Variants in EEA1 observed in about 807,000 individuals in gnomAD.
EEA1 encodes early endosome antigen 1.
In EEA1, 111 loss-of-function variants were observed where a neutral mutation model predicts 209.2. The ratio of observed to expected loss-of-function variants is 0.53; its 90% CI spans 0.45 to 0.62. The LOEUF (loss-of-function observed/expected upper bound fraction) is 0.62. Among genes scored for constraint, EEA1 ranks in the 20% least tolerant of loss-of-function variants. The probability of loss-of-function intolerance (pLI) is 0.00; values close to 1 mark genes in which losing one functional copy is unlikely to be tolerated. For missense variants in EEA1, 1,343 were observed against 1,530.8 expected (o/e 0.88, Z 2.05); for synonymous variants, 536 against 540.6 (o/e 0.99, Z 0.12).
Position 92,864,856 on chromosome 12 carries a change from G to A in EEA1, c.245+4C>T, listed in dbSNP as rs7962662. The stretch of plus-strand genomic sequence containing the variant: ...CATTATACTTCAAAATTATCATACC[G>A]TACCGCTTCAAAGCAAGATTAGACT... On this transcript the variant is annotated splice_donor_region_variant and intron_variant, in intron 3 of 28. Coordinates refer to ENST00000322349, the MANE Select transcript of EEA1 (RefSeq NM_003566.4). 4,413 of 1,590,858 alleles carry A rather than the reference G, an allele frequency of 2.8e-3. 118 individuals are homozygous for A. The African/African-American group carries it at 0.053, about 19-fold the overall frequency.
rs115992167 is a variant in EEA1 at position 92,888,645 on chromosome 12, A to G, written c.117+2984T>C. On this transcript the variant is annotated intron_variant, in intron 2 of 28. Coordinates refer to ENST00000322349, the MANE Select transcript of EEA1 (RefSeq NM_003566.4). ...TTGTAAGTGGAAGGCTGAAGATGCA[A>G]TAAGGAATGGTAAACAACTACACTG... 3.6e-3 allele frequency among the ~76,000 whole-genome samples: 549 copies of G among 152,232 alleles called. 2 individuals are homozygous for G. The highest frequency in any genetic ancestry group is 0.013 in the African/African-American group (527 of 41,556).
At chr12:92,856,023 C>T (rs1027329611) in intron 5 of EEA1, among the ~76,000 whole-genome samples, 1 of 152,116 alleles carries the variant, frequency 6.6e-6, no homozygotes, top group Admixed American at 6.5e-5. Context: ...GACTGATTAT[C>T]TTGTCATTTA....
Position 92,929,209 on chromosome 12 carries a change from T to C in EEA1, c.-143A>G. 4 of 714,530 alleles carry C rather than the reference T, an allele frequency of 5.6e-6. No individual in the cohort carries two copies. The highest frequency in any genetic ancestry group is 8.4e-6 in the Non-Finnish European group (4 of 474,690). The allele number at this position is 714,530 out of a possible 1,614,324, so 44.3% of individuals were successfully genotyped here. ...GGGGCGAGGCGGTGGCGACGGCCGC[T>C]CGGGCGGCCCCGACTTCCCCACAGG... On this transcript the variant is annotated 5_prime_UTR_variant, in exon 1 of 29. Transcript: ENST00000322349.
intron 2 of EEA1, among the ~76,000 whole-genome samples, chr12:92,876,763 C>T (rs752645139): frequency 4.7e-5 from 7 of 147,746 alleles, no homozygotes; most frequent in South Asian, 2.1e-4. Flanking sequence ...TCGATATGCC[C>T]GGATCAGAGT....
chr12:92,824,456 T>C (rs2136685432), intron 13 of EEA1, among the ~76,000 whole-genome samples: 1 of 152,294 alleles, frequency 6.6e-6, no homozygotes, highest in Admixed American at 6.5e-5. Context: ...CAAAGTAAAA[T>C]AAAGTCCTTA....
intron 23 of EEA1, 106 bp from the exon 24 acceptor site, chr12:92,780,517 T>G: frequency 1.2e-6 from 1 of 816,388 alleles, no homozygotes; most frequent in Non-Finnish European, 1.8e-6. Flanking sequence ...CTCTGCCCTT[T>G]TCTACCTAAC....
chr12:92,784,598 T>C (rs189138618), intron 22 of EEA1, among the ~76,000 whole-genome samples: 27 of 152,298 alleles, frequency 1.8e-4, no homozygotes, highest in Admixed American at 7.8e-4. Flanking sequence ...CAGTGACTGA[T>C]TTTTTAAAGT....
chr12:92,904,401 A>AT (rs945596900), intron 1 of EEA1, among the ~76,000 whole-genome samples: 2 of 152,202 alleles, frequency 1.3e-5, no homozygotes, highest in Admixed American at 6.5e-5. Context: ...CAACAAAACT[A>AT]TTTCTCTATT....
intron 2 of EEA1, among the ~76,000 whole-genome samples, chr12:92,876,104 C>A (rs1878867403): frequency 6.6e-6 from 1 of 152,070 alleles, no homozygotes; most frequent in African/African-American, 2.4e-5. Context: ...CAGGGTCTCA[C>A]TCTATCATCC....
At chr12:92,877,030 G>A (rs184872134) in intron 2 of EEA1, among the ~76,000 whole-genome samples, 316 of 149,912 alleles carry the variant, frequency 2.1e-3, no homozygotes, top group African/African-American at 7.2e-3. Context: ...TGCAACCTCT[G>A]CCTCCCAGGC....
chr12:92,825,415 C>T (rs1876248119), intron 13 of EEA1, among the ~76,000 whole-genome samples: 1 of 151,204 alleles, frequency 6.6e-6, no homozygotes, highest in East Asian at 1.9e-4. Flanking sequence ...GATAGCGCCA[C>T]TGCACTCCAG....
intron 2 of EEA1, among the ~76,000 whole-genome samples, chr12:92,886,456 C>A (rs1156973609): frequency 2.0e-5 from 1 of 49,188 alleles, no homozygotes; most frequent in Non-Finnish European, 3.7e-5. Context: ...CAGGAGGGGA[C>A]TGGAGGGGAG....
At chr12:92,876,734 CACTATAAAAACAG>C (rs1308169114) in intron 2 of EEA1, among the ~76,000 whole-genome samples, 1 of 149,342 alleles carries the variant, frequency 6.7e-6, no homozygotes, top group Non-Finnish European at 1.5e-5. Flanking sequence ...AAACTTGGCA[CACTATAAAAACAG>C]AGAATTCGAT....
chr12:92,857,737 G>A (rs13377862), intron 3 of EEA1, among the ~76,000 whole-genome samples: 204 of 152,268 alleles, frequency 1.3e-3, no homozygotes, highest in African/African-American at 4.8e-3. Context: ...ACTGTTAAGT[G>A]CCCAAGCCAA....
chr12:92,925,372 G>A (rs1450705870), intron 1 of EEA1, among the ~76,000 whole-genome samples: 3 of 152,112 alleles, frequency 2.0e-5, no homozygotes, highest in Admixed American at 6.6e-5. Context: ...GCACCACGAT[G>A]CCCGGCTAAT....
At position 92,826,851 on chromosome 12, in the gene EEA1, A is replaced by AT. The variant is rs564846852; in HGVS notation, c.1405-567dup. The stretch of plus-strand genomic sequence containing the variant: ...TCTCCAGGCTGGCATTTAGTTTATT[A>AT]TTTTTTTGTAAACTAGTATGATCAA... On this transcript the variant is annotated intron_variant, in intron 12 of 28. Transcript: ENST00000322349. Among the ~76,000 whole-genome samples the AT allele has an allele frequency of 3.5e-4, 54 of 152,206 alleles. No homozygotes were observed. The East Asian group carries it at 8.3e-3, about 23-fold the overall frequency.
At chr12:92,843,357 C>T (rs141242969) in intron 9 of EEA1, among the ~76,000 whole-genome samples, 2,154 of 152,162 alleles carry the variant, frequency 0.014, 24 homozygotes, top group Middle Eastern at 0.054. Context: ...CAGGGTCTTA[C>T]TATGTTGCCT....
intron 7 of EEA1, 36 bp from the exon 8 acceptor site, chr12:92,852,332 G>T: frequency 6.9e-7 from 1 of 1,446,290 alleles, no homozygotes; most frequent in East Asian, 2.5e-5. Flanking sequence ...TTAGTTTAAG[G>T]GGAGGACAGT....
chr12:92,858,873 C>A, intron 3 of EEA1: 1 of 724,878 alleles, frequency 1.4e-6, no homozygotes, highest in South Asian at 1.4e-5. Context: ...GTTTGTATGA[C>A]TGGACAGAAA....
Sources: allele counts gnomAD v4.1 joint callset (sites outside exome capture counted in the v4.1 genomes callset), GRCh38; gene constraint gnomAD v4.1.1; transcripts MANE v1.5; gene names NCBI Gene and HGNC (gene_info 2026-07-23, HGNC 2026-07-21).